STK32B: variants seen among roughly 807,000 people sequenced by gnomAD.
STK32B encodes serine/threonine-protein kinase 32B.
Under a neutral mutation model 52.6 loss-of-function variants are expected in STK32B, and 43 were observed. The ratio of observed to expected loss-of-function variants is 0.82; its 90% CI spans 0.64 to 1.05. The LOEUF (loss-of-function observed/expected upper bound fraction) is 1.05, where lower values mean the gene tolerates loss of function less well. Among genes scored for constraint, STK32B ranks in the 50% least tolerant of loss-of-function variants. The probability of loss-of-function intolerance (pLI) is 0.00; values close to 1 mark genes in which losing one functional copy is unlikely to be tolerated. For missense variants in STK32B, 621 were observed against 534.6 expected (o/e 1.16, Z -1.59); for synonymous variants, 238 against 204.3 (o/e 1.17, Z -1.41).
the STK32B span, among the ~76,000 whole-genome samples, chr4:5,019,946 G>A: frequency 6.6e-6 from 1 of 152,184 alleles, no homozygotes; most frequent in Non-Finnish European, 1.5e-5. Flanking sequence ...GAGCAGGGAT[G>A]CAGAGCTGCG....
chr4:5,452,446 G>C (rs1716091622), intron 7 of STK32B, among the ~76,000 whole-genome samples: 1 of 152,134 alleles, frequency 6.6e-6, no homozygotes, highest in African/African-American at 2.4e-5. Flanking sequence ...GGAGGTAATG[G>C]AGTCTGTGAT....
chr4:5,053,095 G>T (rs1560127407), intron 1 of STK32B, among the ~76,000 whole-genome samples: 1 of 152,250 alleles, frequency 6.6e-6, no homozygotes, highest in African/African-American at 2.4e-5. Flanking sequence ...GTGCTACTCA[G>T]ATGCCTGCCT....
At chr4:5,319,143 G>A (rs1361961563) in intron 3 of STK32B, among the ~76,000 whole-genome samples, 1 of 152,154 alleles carries the variant, frequency 6.6e-6, no homozygotes, top group East Asian at 1.9e-4. Flanking sequence ...TTATGTGTCA[G>A]TCACTTTTCC....
chr4:5,144,309 T>A (rs1374414552), intron 2 of STK32B, among the ~76,000 whole-genome samples: 2 of 152,204 alleles, frequency 1.3e-5, no homozygotes, highest in Non-Finnish European at 2.9e-5. Context: ...TGTGAGAGGT[T>A]AATGAGATGG....
rs1483190098 is a variant in STK32B, at chr4:5,394,949, G to C, written c.435-3258G>C. Among the ~76,000 whole-genome samples the C allele has an allele frequency of 6.6e-6, 1 of 152,160 alleles. No individual in the cohort carries two copies. The highest frequency in any genetic ancestry group is 1.5e-5 in the Non-Finnish European group (1 of 68,040). ...CCAGGTGGGCTTAACTGGATCATCT[G>C]CATAGGATCTCACAAAACTACAATC... On this transcript the variant is annotated intron_variant, in intron 4 of 11. Transcript: ENST00000282908. This position sits in a 1 kb window ranked among gnomAD's most constrained non-coding sequence, Gnocchi z 4.2.
rs192079179 is a variant in STK32B, at chr4:5,124,327, C to T, written c.53-15578C>T. ...CTGCTCTTCTCTGTAAAACCATCGG[C>T]ATTTTCTTAGTTCTGCAGCCTCCCT... On this transcript the variant is annotated intron_variant, in intron 1 of 11. Coordinates refer to ENST00000282908, the MANE Select transcript of STK32B (RefSeq NM_018401.3). 9.2e-5 allele frequency among the ~76,000 whole-genome samples: 14 copies of T among 152,306 alleles called. No homozygotes were observed. The East Asian group carries it at 1.9e-3, about 21-fold the overall frequency.
chr4:5,255,965 CACAG>C (rs777138390), intron 3 of STK32B, among the ~76,000 whole-genome samples: 3 of 152,154 alleles, frequency 2.0e-5, no homozygotes, highest in African/African-American at 4.8e-5. Context: ...GAGTGACACA[CACAG>C]AGCCCGTAGC....
chr4:5,170,784 CT>C (rs1308720992), intron 3 of STK32B, among the ~76,000 whole-genome samples: 1 of 152,158 alleles, frequency 6.6e-6, no homozygotes, highest in African/African-American at 2.4e-5. Flanking sequence ...GTGCATGTGT[CT>C]TTATAGCAGC....
At chr4:5,476,761 C>T (rs1718273705) in intron 11 of STK32B, among the ~76,000 whole-genome samples, 1 of 151,308 alleles carries the variant, frequency 6.6e-6, no homozygotes, top group South Asian at 2.1e-4. Flanking sequence ...TATTTGGAAA[C>T]AGAGTCTTTG....
intron 5 of STK32B, among the ~76,000 whole-genome samples, chr4:5,412,814 T>G (rs1445517133): frequency 6.6e-6 from 1 of 152,202 alleles, no homozygotes; most frequent in African/African-American, 2.4e-5. Flanking sequence ...TTTCCCTGCT[T>G]TGGTCCTTGC....
At chr4:5,477,591 G>A (rs532705371) in intron 11 of STK32B, among the ~76,000 whole-genome samples, 3 of 152,266 alleles carry the variant, frequency 2.0e-5, no homozygotes, top group East Asian at 1.9e-4. Context: ...CCTTGTTCAC[G>A]CTGTATGTCC....
intron 7 of STK32B, among the ~76,000 whole-genome samples, chr4:5,454,915 A>G (rs1484741146): frequency 2.0e-5 from 3 of 152,070 alleles, no homozygotes; most frequent in Non-Finnish European, 2.9e-5. Flanking sequence ...CCATTAGATT[A>G]AAAAAAATTG....
chr4:5,420,807 G>T (rs1317581798), intron 6 of STK32B, among the ~76,000 whole-genome samples: 1 of 152,206 alleles, frequency 6.6e-6, no homozygotes, highest in African/African-American at 2.4e-5. Flanking sequence ...GATTCGTTCT[G>T]ACTGCTTTCA....
At chr4:5,444,525 C>T (rs964188912) in intron 6 of STK32B, among the ~76,000 whole-genome samples, 7 of 152,298 alleles carry the variant, frequency 4.6e-5, no homozygotes, top group Admixed American at 4.6e-4. Flanking sequence ...GAGATGAACC[C>T]GGTACCTCAG....
At chr4:5,260,313 C>T (rs1268971394) in intron 3 of STK32B, among the ~76,000 whole-genome samples, 1 of 152,190 alleles carries the variant, frequency 6.6e-6, no homozygotes, top group Non-Finnish European at 1.5e-5. Flanking sequence ...CAGAAATTTG[C>T]TCAGCTTATG....
chr4:5,319,247 C>T (rs1312701706), intron 3 of STK32B, among the ~76,000 whole-genome samples: 1 of 152,170 alleles, frequency 6.6e-6, no homozygotes, highest in Non-Finnish European at 1.5e-5. Context: ...ATATGGGGCC[C>T]AGAACCTAGG....
intron 6 of STK32B, among the ~76,000 whole-genome samples, chr4:5,435,135 G>A (rs1246420752): frequency 6.6e-6 from 1 of 152,204 alleles, no homozygotes; most frequent in Non-Finnish European, 1.5e-5. Flanking sequence ...GTTACAGTTG[G>A]CATTTCCAAT....
chr4:5,203,960 GAAGTCATAATGCATTCTCCATAGCACA>G (rs1189801308), intron 3 of STK32B: 7 of 152,210 alleles, frequency 4.6e-5, no homozygotes, highest in African/African-American at 1.2e-4. Flanking sequence ...ATTGAGGTAC[GAAGTCATAATGCATTCTCCATAGCACA>G]AAGTCATAAT....
At position 5,499,697 on chromosome 4, in the gene STK32B, G is replaced by A. The variant is rs1720583630; in HGVS notation, c.*614G>A. 1 of 152,234 alleles carries A rather than the reference G, an allele frequency of 6.6e-6. No individual in the cohort carries two copies. Among genetic ancestry groups the A allele is most frequent in the African/African-American group, 2.4e-5 (1 of 41,414 alleles). 9.4% of individuals were successfully genotyped at this position (152,234 alleles called of 1,614,324 possible). ...GCATGCAGACCAGACTTGTCCCCAA[G>A]GTCTCAGCGCTGCGGTCTCACTCCT... On this transcript the variant is annotated 3_prime_UTR_variant, in exon 12 of 12. Transcript: ENST00000282908.
Sources: allele counts gnomAD v4.1 joint callset (sites outside exome capture counted in the v4.1 genomes callset), GRCh38; gene constraint gnomAD v4.1.1; non-coding constraint Gnocchi (gnomAD v3.1); transcripts MANE v1.5; gene names NCBI Gene and HGNC (gene_info 2026-07-23, HGNC 2026-07-21).